Variants in GAB2 observed in about 807,000 individuals in gnomAD.
GAB2 encodes the protein GRB2-associated-binding protein 2.
In GAB2, 26 loss-of-function variants were observed where a neutral mutation model predicts 65.5. The ratio of observed to expected loss-of-function variants is 0.40; its 90% CI spans 0.29 to 0.55. GAB2 has a LOEUF of 0.55. Ranked by LOEUF, GAB2 falls within the 20% of genes least tolerant of loss-of-function variation. The pLI, the probability that GAB2 is intolerant of heterozygous loss-of-function variation, is 0.53. For missense variants in GAB2, 884 were observed against 875.8 expected (o/e 1.01, Z -0.12); for synonymous variants, 321 against 329.6 (o/e 0.97, Z 0.28).
chr11:78,253,851 T>G (rs2134530649), intron 2 of GAB2, among the ~76,000 whole-genome samples: 2 of 152,340 alleles, frequency 1.3e-5, no homozygotes, highest in Non-Finnish European at 2.9e-5. Context: ...CTCAGTAACA[T>G]TCACTGACTC....
At chr11:78,276,896 C>T (rs1866187985) in intron 2 of GAB2, among the ~76,000 whole-genome samples, 1 of 152,208 alleles carries the variant, frequency 6.6e-6, no homozygotes, top group Admixed American at 6.5e-5. Context: ...CGGCTCACTA[C>T]AAGCTCCGCC....
intron 1 of GAB2, among the ~76,000 whole-genome samples, chr11:78,297,781 TTA>T (rs1866878707): frequency 6.6e-6 from 1 of 152,166 alleles, no homozygotes; most frequent in African/African-American, 2.4e-5. Context: ...GAACCATGTA[TTA>T]TACTATTTAT....
chr11:78,277,586 T>G (rs1866210394), intron 2 of GAB2, among the ~76,000 whole-genome samples: 2 of 152,238 alleles, frequency 1.3e-5, no homozygotes, highest in African/African-American at 4.8e-5. Context: ...AACTGGTATT[T>G]GGCCTTCCTC....
chr11:78,344,708 GA>G (rs1007915003), intron 1 of GAB2, among the ~76,000 whole-genome samples: 94 of 151,440 alleles, frequency 6.2e-4, no homozygotes, highest in Non-Finnish European at 9.7e-4. Flanking sequence ...ACTTCTAAGA[GA>G]AAAAAAAATT....
rs1364679291 is a variant in GAB2, at chr11:78,300,700, T to TTG, written c.76-19800_76-19799insCA. 2.2e-4 allele frequency among the ~76,000 whole-genome samples: 32 copies of TTG among 142,396 alleles called. No homozygotes were observed. In the East Asian group the frequency reaches 5.8e-3, roughly 26 times the overall value. 93.4% of individuals were successfully genotyped at this position (142,396 alleles called of 152,430 possible). On this transcript the variant is annotated intron_variant, in intron 1 of 9. Coordinates refer to ENST00000361507, the MANE Select transcript of GAB2 (RefSeq NM_080491.3). Reference sequence around the variant, plus strand: ...TTTTTTTTTGGTTTTTTTTTGTTTTTTTTTTTTTTTTTGAGACAGAGCCTC... The same window carrying TTG: ...TTTTTTTTTGGTTTTTTTTTGTTTTTTGTTTTTTTTTTTTGAGACAGAGCCTC...
intron 2 of GAB2, among the ~76,000 whole-genome samples, chr11:78,280,072 A>G (rs573002420): frequency 6.6e-6 from 1 of 152,334 alleles, no homozygotes; most frequent in Admixed American, 6.5e-5. Context: ...AAAAACCCAA[A>G]CATAAATCAC....
chr11:78,247,169 T>C (rs1488758084), intron 3 of GAB2, among the ~76,000 whole-genome samples: 1 of 152,210 alleles, frequency 6.6e-6, no homozygotes, highest in African/African-American at 2.4e-5. Context: ...AGACAAAAAG[T>C]TCATCTCTGT....
chr11:78,325,566 C>T (rs767972528), intron 1 of GAB2, among the ~76,000 whole-genome samples: 1 of 152,116 alleles, frequency 6.6e-6, no homozygotes, highest in African/African-American at 2.4e-5. Context: ...TACGAACATA[C>T]AGAGAGGTGG....
chr11:78,307,604 T>TAG (rs59402607), intron 1 of GAB2, among the ~76,000 whole-genome samples: 12,872 of 121,836 alleles, frequency 0.11, 797 homozygotes, highest in Non-Finnish European at 0.13. Context: ...CAAAAAATGT[T>TAG]AGAGAGAGAG....
intron 5 of GAB2, among the ~76,000 whole-genome samples, chr11:78,224,667 C>T (rs1864569115): frequency 6.6e-6 from 1 of 152,132 alleles, no homozygotes. Context: ...CTGCGGTTAG[C>T]ATCTTCCAGA....
intron 1 of GAB2, among the ~76,000 whole-genome samples, chr11:78,372,961 G>C (rs986231287): frequency 6.6e-6 from 1 of 151,970 alleles, no homozygotes; most frequent in East Asian, 1.9e-4. Flanking sequence ...GAAAGAAGTA[G>C]AGTCCTGGAA....
chr11:78,341,855 T>G (rs1366775665), intron 1 of GAB2: 1 of 985,592 alleles, frequency 1.0e-6, no homozygotes, highest in Non-Finnish European at 1.2e-6. Flanking sequence ...AGGGATCTTC[T>G]TCATCCCACC....
intron 2 of GAB2, among the ~76,000 whole-genome samples, chr11:78,252,952 G>A (rs192769630): frequency 1.3e-3 from 197 of 148,508 alleles, no homozygotes; most frequent in African/African-American, 4.7e-3. Flanking sequence ...TTATGTCACC[G>A]TCCCTCTTAA....
chr11:78,318,427 C>T (rs914837187), intron 1 of GAB2, among the ~76,000 whole-genome samples: 8 of 135,978 alleles, frequency 5.9e-5, no homozygotes, highest in East Asian at 2.0e-4. Flanking sequence ...AAGGCAGTGG[C>T]GGACCACTGA....
intron 2 of GAB2, among the ~76,000 whole-genome samples, chr11:78,254,753 C>T (rs1470203718): frequency 2.6e-5 from 4 of 151,530 alleles, no homozygotes; most frequent in South Asian, 2.1e-4. Flanking sequence ...GGGCTATGAT[C>T]GCGCCACTGC....
chr11:78,222,894 A>G (rs903175205), intron 6 of GAB2, among the ~76,000 whole-genome samples: 2 of 152,224 alleles, frequency 1.3e-5, no homozygotes, highest in Non-Finnish European at 2.9e-5. Flanking sequence ...CCCAGCCAAG[A>G]GACCATATTT....
rs1379624241 is a variant in GAB2 at position 78,258,685 on chromosome 11, C to T, written c.377-8285G>A. Among the ~76,000 whole-genome samples the T allele has an allele frequency of 3.3e-5, 5 of 151,804 alleles. No individual in the cohort carries two copies. The East Asian group carries it at 9.7e-4, about 29-fold the overall frequency. ...CAATTATGGCTCATTGCAGCCTCGA[C>T]CTCCTGGGCTCAGGTGATTCTCCCA... On this transcript the variant is annotated intron_variant, in intron 2 of 9. Transcript: ENST00000361507.
chr11:78,253,481 A>G (rs1172856471), intron 2 of GAB2, among the ~76,000 whole-genome samples: 2 of 151,994 alleles, frequency 1.3e-5, no homozygotes, highest in Non-Finnish European at 2.9e-5. Flanking sequence ...TTTTGTAGAG[A>G]CAGGATCTCA....
intron 1 of GAB2, among the ~76,000 whole-genome samples, chr11:78,377,190 T>C (rs1856641802): frequency 1.3e-5 from 2 of 152,258 alleles, no homozygotes; most frequent in Non-Finnish European, 2.9e-5. Flanking sequence ...TATTTATTTC[T>C]AGCACTGCAA....
Sources: allele counts gnomAD v4.1 joint callset (sites outside exome capture counted in the v4.1 genomes callset), GRCh38; gene constraint gnomAD v4.1.1; transcripts MANE v1.5; gene names NCBI Gene and HGNC (gene_info 2026-07-23, HGNC 2026-07-21).